The following IL1RAPL2 variants were observed in gnomAD, a reference collection of about 807,000 sequenced individuals.
IL1RAPL2 encodes the protein interleukin 1 receptor accessory protein like 2.
Under a neutral mutation model 44.1 loss-of-function variants are expected in IL1RAPL2, and 3 were observed. The ratio of observed to expected loss-of-function variants is 0.07; its 90% CI spans 0.03 to 0.18. IL1RAPL2 has a LOEUF of 0.18. IL1RAPL2 is among the 10% of genes least tolerant of loss of function. The pLI, the probability that IL1RAPL2 is intolerant of heterozygous loss-of-function variation, is 1.00. For synonymous variants in IL1RAPL2, 181 were observed against 178.8 expected, an observed-to-expected ratio of 1.01 and a Z score of -0.10; for missense variants, 391 against 496.4, an observed-to-expected ratio of 0.79 and a Z score of 2.02.
At chrX:105,415,172 AT>A (rs1225297177) in intron 5 of IL1RAPL2, among the ~76,000 whole-genome samples, 3 of 112,159 alleles carry the variant, frequency 2.7e-5, no homozygotes, top group Non-Finnish European at 5.6e-5. Flanking sequence ...TCAAAGACAT[AT>A]CCCAATTTCT....
At chrX:104,971,846 C>T (rs1043075418) in intron 2 of IL1RAPL2, among the ~76,000 whole-genome samples, 1 of 111,033 alleles carries the variant, frequency 9.0e-6, no homozygotes, top group African/African-American at 3.3e-5. Flanking sequence ...AGGCTATGAA[C>T]CCTGGAGGCA....
intron 2 of IL1RAPL2, among the ~76,000 whole-genome samples, chrX:104,887,003 C>T (rs1184750048): frequency 1.2e-4 from 14 of 112,575 alleles, no homozygotes; most frequent in Non-Finnish European, 1.9e-5. Flanking sequence ...CCCAGCTTTT[C>T]CTACAGCAGG....
rs5903239 is a variant in IL1RAPL2, at chrX:104,595,918, A to AT, written c.-20+28878dup. On this transcript the variant is annotated intron_variant, in intron 1 of 10. Coordinates refer to ENST00000372582, the MANE Select transcript of IL1RAPL2 (RefSeq NM_017416.2). ...GGGTTGGGGCCCAGGAACCTTTTTT[A>AT]TTTTTTTTTTTCAGGCTGACATTTA... Among the ~76,000 whole-genome samples, 31 of 103,883 alleles carry AT rather than the reference A, an allele frequency of 3.0e-4. 1 individual carries two copies. Among genetic ancestry groups the AT allele is most frequent in the Non-Finnish European group, 2.6e-4 (13 of 50,653 alleles). The allele number at this position is 103,883 out of a possible 115,157, so 90.2% of individuals were successfully genotyped here.
At chrX:104,619,822 A>G (rs748034792) in intron 1 of IL1RAPL2, among the ~76,000 whole-genome samples, 1 of 112,332 alleles carries the variant, frequency 8.9e-6, no homozygotes, top group South Asian at 3.7e-4. Context: ...AAATATTTAC[A>G]AGCATGCTGA....
At chrX:104,672,000 C>T (rs1359794421) in intron 2 of IL1RAPL2, among the ~76,000 whole-genome samples, 1 of 111,677 alleles carries the variant, frequency 9.0e-6, no homozygotes, top group Middle Eastern at 4.3e-3. Flanking sequence ...CACCACCCAC[C>T]TCAGTGGTCA....
At chrX:104,945,934 AT>A (rs780514303) in intron 2 of IL1RAPL2, among the ~76,000 whole-genome samples, 2 of 108,881 alleles carry the variant, frequency 1.8e-5, no homozygotes, top group East Asian at 2.9e-4. Context: ...TGGATACATG[AT>A]TTTTTTTTCT....
chrX:104,881,534 CT>C (rs1272745897), intron 2 of IL1RAPL2, among the ~76,000 whole-genome samples: 1 of 112,202 alleles, frequency 8.9e-6, no homozygotes, highest in African/African-American at 3.2e-5. Flanking sequence ...GAAATCTGAT[CT>C]TGTTTTGCAT....
intron 2 of IL1RAPL2, among the ~76,000 whole-genome samples, chrX:104,756,961 A>G (rs1932350360): frequency 9.0e-6 from 1 of 110,628 alleles, no homozygotes; most frequent in Admixed American, 9.7e-5. Context: ...ACAAGAAGAA[A>G]AGATGAGGTC....
chrX:104,769,719 C>A (rs1162009949), intron 2 of IL1RAPL2, among the ~76,000 whole-genome samples: 1 of 111,791 alleles, frequency 8.9e-6, no homozygotes, highest in Non-Finnish European at 1.9e-5. Context: ...TTTATGTTGT[C>A]CAGTTGTGTA....
intron 4 of IL1RAPL2, among the ~76,000 whole-genome samples, chrX:105,239,293 C>G (rs1468967461): frequency 1.8e-5 from 2 of 111,761 alleles, no homozygotes; most frequent in Admixed American, 9.5e-5. Context: ...GTAACCATAG[C>G]CTTTACAGTA....
At chrX:105,322,892 A>G (rs1331434449) in intron 5 of IL1RAPL2, among the ~76,000 whole-genome samples, 1 of 111,874 alleles carries the variant, frequency 8.9e-6, no homozygotes, top group Non-Finnish European at 1.9e-5. Flanking sequence ...AGTGGTCAAG[A>G]TTATTGGAGG....
intron 2 of IL1RAPL2, among the ~76,000 whole-genome samples, chrX:104,991,379 G>T (rs1260997122): frequency 2.7e-5 from 3 of 111,427 alleles, no homozygotes; most frequent in African/African-American, 9.8e-5. Flanking sequence ...CCAGAGGAAG[G>T]TTAAGAGTCT....
At chrX:105,619,828 T>C (rs950255906) in intron 6 of IL1RAPL2, among the ~76,000 whole-genome samples, 1 of 111,100 alleles carries the variant, frequency 9.0e-6, no homozygotes, top group African/African-American at 3.3e-5. Context: ...GCAAGGTATG[T>C]AGTGAAGATT....
chrX:105,729,425 A>G (rs2038381349), intron 7 of IL1RAPL2, among the ~76,000 whole-genome samples: 1 of 111,387 alleles, frequency 9.0e-6, no homozygotes, highest in Non-Finnish European at 1.9e-5. Context: ...TCATTGTCTA[A>G]ATTTAAAATT....
chrX:104,889,690 C>T (rs1266853320), intron 2 of IL1RAPL2, among the ~76,000 whole-genome samples: 3 of 111,567 alleles, frequency 2.7e-5, no homozygotes, highest in Admixed American at 9.5e-5. Flanking sequence ...CTACAGGAAC[C>T]GGAATAGCCA....
intron 7 of IL1RAPL2, among the ~76,000 whole-genome samples, chrX:105,736,844 G>A (rs147598159): frequency 6.7e-4 from 74 of 111,038 alleles, no homozygotes; most frequent in African/African-American, 2.2e-3. Context: ...GAGAATTATC[G>A]TTCAACTCAG....
chrX:105,038,582 A>C (rs1312738602), intron 2 of IL1RAPL2, among the ~76,000 whole-genome samples: 1 of 108,383 alleles, frequency 9.2e-6, no homozygotes, highest in African/African-American at 3.4e-5. Flanking sequence ...GTATATGTGC[A>C]GGTTTGCTAT....
At chrX:105,140,311 C>T (rs767255127) in intron 2 of IL1RAPL2, among the ~76,000 whole-genome samples, 4 of 112,418 alleles carry the variant, frequency 3.6e-5, no homozygotes, top group East Asian at 2.8e-4. Context: ...TTAGGCACTA[C>T]CTCTTCCGGC....
At chrX:105,101,656 C>T (rs1407974203) in intron 2 of IL1RAPL2, among the ~76,000 whole-genome samples, 1 of 93,926 alleles carries the variant, frequency 1.1e-5, no homozygotes, top group African/African-American at 4.3e-5. Flanking sequence ...GCATGTTTCA[C>T]TCCCTTTGTG....
Sources: gnomAD v4.1 joint callset for allele counts (sites outside exome capture counted in the v4.1 genomes callset) on GRCh38, gnomAD v4.1.1 for gene constraint, MANE v1.5 for transcripts, NCBI Gene and HGNC (gene_info 2026-07-23, HGNC 2026-07-21) for gene names.